BCLAF3: variants seen among roughly 807,000 people sequenced by gnomAD.
BCLAF3 encodes the protein BCLAF1 and THRAP3 family member 3.
In BCLAF3, 24 loss-of-function variants were observed where a neutral mutation model predicts 51.2. The ratio of observed to expected loss-of-function variants is 0.47; its 90% CI spans 0.34 to 0.66. The LOEUF is 0.66. Ranked by LOEUF, BCLAF3 falls within the 30% of genes least tolerant of loss-of-function variation. The pLI, the probability that BCLAF3 is intolerant of heterozygous loss-of-function variation, is 0.01. For synonymous variants in BCLAF3, 152 were observed against 176.6 expected, an observed-to-expected ratio of 0.86 and a Z score of 1.10; for missense variants, 465 against 525.1, an observed-to-expected ratio of 0.89 and a Z score of 1.12.
intron 5 of BCLAF3, 46 bp downstream of exon 5, chrX:19,955,345 A>G: frequency 3.0e-6 from 3 of 1,003,517 alleles, no homozygotes; most frequent in Non-Finnish European, 2.7e-6. Context: ...CGTGAATAGT[A>G]TATTACTTTT....
chrX:19,948,120 C>G (rs937749200), intron 8 of BCLAF3, among the ~76,000 whole-genome samples: 1 of 111,916 alleles, frequency 8.9e-6, no homozygotes. Context: ...ATAGCACAGC[C>G]GCTTTGGAAA....
chrX:19,940,210 G>A (rs1259301416), intron 8 of BCLAF3, among the ~76,000 whole-genome samples: 1 of 111,434 alleles, frequency 9.0e-6, no homozygotes, highest in African/African-American at 3.3e-5. Flanking sequence ...ATGGCCATGG[G>A]ACTAAATTTT....
chrX:19,945,632 C>G (rs1431869705), intron 8 of BCLAF3, among the ~76,000 whole-genome samples: 1 of 76,817 alleles, frequency 1.3e-5, no homozygotes, highest in Non-Finnish European at 2.1e-5. Context: ...TCTGCCTGTT[C>G]TCAGATCTCC....
At chrX:19,923,458 T>C in intron 11 of BCLAF3, 1 of 146,041 alleles carries the variant, frequency 6.8e-6, no homozygotes, top group Non-Finnish European at 1.4e-5. Context: ...ACATAATTTT[T>C]AACAGCTTTA....
chrX:19,969,560 GAATT>G (rs1456287973), intron 2 of BCLAF3, among the ~76,000 whole-genome samples: 1 of 111,956 alleles, frequency 8.9e-6, no homozygotes, highest in African/African-American at 3.3e-5. Flanking sequence ...CACAAAAACA[GAATT>G]ATTTCCTCCC....
At chrX:19,919,137 T>C (rs2070037892) in intron 11 of BCLAF3, among the ~76,000 whole-genome samples, 1 of 111,590 alleles carries the variant, frequency 9.0e-6, no homozygotes, top group Non-Finnish European at 1.9e-5. Flanking sequence ...CCTCACATCC[T>C]CCTGCCAAAC....
chrX:19,986,967 A>G (rs2072820539), intron 1 of BCLAF3, among the ~76,000 whole-genome samples: 1 of 109,517 alleles, frequency 9.1e-6, no homozygotes, highest in African/African-American at 3.3e-5. Context: ...ATACCCAGCT[A>G]ATTTTTTAAA....
In BCLAF3 at chrX:19,916,911, T is replaced by C. The variant is rs781232739; in HGVS notation, c.*394A>G. 1.5e-5 allele frequency: 2 copies of C among 133,944 alleles called. No homozygotes were observed. Among genetic ancestry groups the C allele is most frequent in the Non-Finnish European group, 2.9e-5 (2 of 68,572 alleles). The allele number at this position is 133,944 out of a possible 1,213,427, so 11.0% of individuals were successfully genotyped here. On this transcript the variant is annotated 3_prime_UTR_variant, in exon 12 of 12. Coordinates refer to ENST00000379682, the MANE Select transcript of BCLAF3 (RefSeq NM_001367774.2). ...AAGGCCACTGTTTAAAGTTCTTTCATGTAAAGACACTATACAATTCAGACA... is the reference window on the plus strand; with the variant it reads ...AAGGCCACTGTTTAAAGTTCTTTCACGTAAAGACACTATACAATTCAGACA...
chrX:19,989,957 C>T (rs2072897336), intron 1 of BCLAF3, among the ~76,000 whole-genome samples: 1 of 110,431 alleles, frequency 9.1e-6, no homozygotes, highest in African/African-American at 3.3e-5. Flanking sequence ...ATTGCTATAC[C>T]ATTACCATTA....
intron 1 of BCLAF3, among the ~76,000 whole-genome samples, chrX:19,971,952 T>C (rs2072273357): frequency 8.9e-6 from 1 of 112,005 alleles, no homozygotes; most frequent in Non-Finnish European, 1.9e-5. Flanking sequence ...GTCCTCATAC[T>C]CAAACATTTG....
chrX:19,984,707 C>T (rs191317617), intron 1 of BCLAF3, among the ~76,000 whole-genome samples: 1,460 of 107,671 alleles, frequency 0.014, 40 homozygotes, highest in African/African-American at 0.048. Flanking sequence ...TTTTTTGAGA[C>T]GGAGTTTCAC....
At chrX:19,919,852 G>A (rs1287149287) in intron 11 of BCLAF3, among the ~76,000 whole-genome samples, 2 of 71,928 alleles carry the variant, frequency 2.8e-5, no homozygotes, top group Non-Finnish European at 4.9e-5. Context: ...GTGAGACTTC[G>A]TCTCAAAAAA....
At chrX:19,931,163 T>C (rs2059794384) in intron 10 of BCLAF3, among the ~76,000 whole-genome samples, 1 of 112,385 alleles carries the variant, frequency 8.9e-6, no homozygotes, top group Admixed American at 9.5e-5. Flanking sequence ...TATTTGTGTG[T>C]TTCCCATGTG....
rs938893539 is a variant in BCLAF3 at position 19,981,159 on chromosome X, C to T, written c.-35+9749G>A. Among the ~76,000 whole-genome samples, 5 of 110,710 alleles carry T rather than the reference C, an allele frequency of 4.5e-5. No individual in the cohort carries two copies. The East Asian group carries it at 8.5e-4, about 19-fold the overall frequency. On this transcript the variant is annotated intron_variant, in intron 1 of 11. Coordinates refer to ENST00000379682, the MANE Select transcript of BCLAF3 (RefSeq NM_001367774.2). ...ACCGGGTGCTGAGACAACTGGATAT[C>T]GACAAGCAAAAGGTTAAAGTTTGAC...
rs761034523 is a variant in BCLAF3 at position 19,937,381 on chromosome X, A to T, written c.1860+37T>A. ...CATTTTGATGTATTGGAGAAGAAGA[A>T]ATTATAAAAATGCAAATTTTGGAAC... On this transcript the variant is annotated intron_variant, in intron 9 of 11. Transcript: ENST00000379682. 9.7e-6 allele frequency: 7 copies of T among 718,969 alleles called. No individual in the cohort carries two copies. The African/African-American group carries it at 1.3e-4, about 13-fold the overall frequency. 59.3% of individuals were successfully genotyped at this position (718,969 alleles called of 1,213,427 possible). A position where few individuals can be genotyped will look rare whatever the true frequency, so the allele number is the denominator to read the frequency against.
chrX:19,917,039 A>T lies in BCLAF3; in HGVS notation c.*266T>A. 2 of 340,573 alleles carry T rather than the reference A, an allele frequency of 5.9e-6. No individual in the cohort carries two copies. Among genetic ancestry groups the T allele is most frequent in the Non-Finnish European group, 1.0e-5 (2 of 198,475 alleles). 28.1% of individuals were successfully genotyped at this position (340,573 alleles called of 1,213,427 possible). A position where few individuals can be genotyped will look rare whatever the true frequency, so the allele number is the denominator to read the frequency against. On this transcript the variant is annotated 3_prime_UTR_variant, in exon 12 of 12. Coordinates refer to ENST00000379682, the MANE Select transcript of BCLAF3 (RefSeq NM_001367774.2). ...TGAAACCATGCTCAGAGAAAAATGCATCAACAAATAATGCCCTTCAAGTGA... is the reference window on the plus strand; with the variant it reads ...TGAAACCATGCTCAGAGAAAAATGCTTCAACAAATAATGCCCTTCAAGTGA...
Position 19,955,484 on chromosome X carries a change from C to A in BCLAF3, c.1357G>T (p.Val453Leu). 1.7e-6 allele frequency: 2 copies of A among 1,204,223 alleles called. No individual in the cohort carries two copies. Among genetic ancestry groups the A allele is most frequent in the Non-Finnish European group, 2.2e-6 (2 of 892,089 alleles). Residue 453 changes from valine (V) to leucine (L), a missense_variant, in exon 5 of 12, where the codon GTG (valine) becomes TTG (leucine). Transcript: ENST00000379682. The stretch of plus-strand genomic sequence containing the variant: ...TGAGTTGAGTCAAGATGTTCAAACA[C>A]TGGATGAAAGTTCTCACTTTTCCTG... ...VGRKSENFHPVFEHLDSTQNT... is the reference protein window; with the variant it reads ...VGRKSENFHPLFEHLDSTQNT...
chrX:19,968,045 G>A (rs2072118837), intron 2 of BCLAF3, among the ~76,000 whole-genome samples: 1 of 112,586 alleles, frequency 8.9e-6, no homozygotes, highest in Non-Finnish European at 1.9e-5. Context: ...AAAGCTGGCA[G>A]CCAGAGTCAA....
chrX:19,966,223 C>T lies in BCLAF3; in HGVS notation c.468G>A (p.Gln156=). Residue 156 remains glutamine (Q), a synonymous_variant, in exon 3 of 12, where the codon CAG becomes CAA. Coordinates refer to ENST00000379682, the MANE Select transcript of BCLAF3 (RefSeq NM_001367774.2). ...RGSGKGGKPP[Q]RSIADSFRFE... ...ATCTAAAAGAATCTGCTATTGACCTCTGAGGTGGTTTCCCTCCTTTTCCAC... is the reference window on the plus strand; with the variant it reads ...ATCTAAAAGAATCTGCTATTGACCTTTGAGGTGGTTTCCCTCCTTTTCCAC... The T allele has an allele frequency of 8.3e-7, 1 of 1,211,696 alleles. No individual in the cohort carries two copies. Among genetic ancestry groups the T allele is most frequent in the Admixed American group, 2.2e-5 (1 of 46,008 alleles).
Sources: allele counts gnomAD v4.1 joint callset (sites outside exome capture counted in the v4.1 genomes callset), GRCh38; gene constraint gnomAD v4.1.1; transcripts MANE v1.5; gene names NCBI Gene and HGNC (gene_info 2026-07-23, HGNC 2026-07-21).